Variants in SRSF11 observed in about 807,000 individuals in gnomAD.
The protein encoded by SRSF11 is serine and arginine rich splicing factor 11.
Under a neutral mutation model 56.0 loss-of-function variants are expected in SRSF11, and 9 were observed. The observed-to-expected ratio is 0.16, with a 90% CI of 0.10 to 0.28. The LOEUF is 0.28. Among genes scored for constraint, SRSF11 ranks in the 10% least tolerant of loss-of-function variants. The probability of loss-of-function intolerance (pLI) is 1.00; values close to 1 mark genes in which losing one functional copy is unlikely to be tolerated. For synonymous variants in SRSF11, 222 were observed against 215.3 expected, an observed-to-expected ratio of 1.03 and a Z score of -0.27; for missense variants, 421 against 600.7, an observed-to-expected ratio of 0.70 and a Z score of 3.13.
upstream of SRSF11, chr1:70,220,870 G>C (rs150585134): frequency 6.6e-6 from 1 of 152,230 alleles, no homozygotes; most frequent in East Asian, 1.9e-4. Flanking sequence ...CATCCATTGT[G>C]AATGAATGTA....
Position 70,244,696 on chromosome 1 carries a change from C to T in SRSF11, c.813C>T (p.Ser271=). 6.2e-7 allele frequency: 1 copy of T among 1,613,914 alleles called. No individual in the cohort carries two copies. The highest frequency in any genetic ancestry group is 8.5e-7 in the Non-Finnish European group (1 of 1,179,852). The change falls in exon 8 of 12, where the codon AGC becomes AGT. Residue 271 remains serine, a synonymous_variant. Transcript: ENST00000370949. ...TTTACACTATTAGGCGGTCAAGAAG[C>T]AGATCGAGACGGCGGTCACATTCTA... ...PSSSRHRRSR[S]RSRRRSHSKS...
At chr1:70,225,027 G>A (rs1671468063) in intron 1 of SRSF11, among the ~76,000 whole-genome samples, 1 of 152,204 alleles carries the variant, frequency 6.6e-6, no homozygotes, top group South Asian at 2.1e-4. Flanking sequence ...GCCAATGTCA[G>A]AACTAGAACT....
upstream of SRSF11, among the ~76,000 whole-genome samples, chr1:70,216,513 G>C (rs1401378574): frequency 2.0e-5 from 3 of 151,138 alleles, no homozygotes; most frequent in Non-Finnish European, 4.4e-5. Flanking sequence ...GCTCACTGCA[G>C]CTTTGACCTC....
At chr1:70,210,225 G>A (rs1669440564) in intron 1 of SRSF11, among the ~76,000 whole-genome samples, 1 of 151,674 alleles carries the variant, frequency 6.6e-6, no homozygotes, top group Non-Finnish European at 1.5e-5. Context: ...GCTCACTGCA[G>A]CCTCAAACTC....
intron 1 of SRSF11, among the ~76,000 whole-genome samples, chr1:70,226,837 CT>C (rs1671890156): frequency 6.6e-6 from 1 of 152,162 alleles, no homozygotes; most frequent in African/African-American, 2.4e-5. Flanking sequence ...CCTCCCATTT[CT>C]TTAAGGAGAA....
chr1:70,243,379 T>C (rs976254486), intron 7 of SRSF11, among the ~76,000 whole-genome samples: 1 of 124,146 alleles, frequency 8.1e-6, no homozygotes, highest in Non-Finnish European at 1.6e-5. Flanking sequence ...AAAAACACAG[T>C]GTGTAGGTGG....
intron 6 of SRSF11, among the ~76,000 whole-genome samples, chr1:70,238,998 A>G (rs527852078): frequency 6.6e-6 from 1 of 152,234 alleles, no homozygotes; most frequent in South Asian, 2.1e-4. Flanking sequence ...TACTTGTGAC[A>G]TTCAAGGGTT....
chr1:70,236,149 T>C (rs1176108466), intron 5 of SRSF11, among the ~76,000 whole-genome samples: 1 of 152,088 alleles, frequency 6.6e-6, no homozygotes, highest in Non-Finnish European at 1.5e-5. Context: ...TAGTGGACTT[T>C]TTTCTTAGAA....
rs1458122290 is a variant in SRSF11 at position 70,252,149 on chromosome 1, G to A, written c.*1344G>A. On this transcript the variant is annotated 3_prime_UTR_variant, in exon 12 of 12. Transcript: ENST00000370949. ...GAAGTCTATCACTGTAGTGATAATT[G>A]CCATCAAAATTGTCAAAAATGATTT... The A allele has an allele frequency of 6.6e-6, 1 of 152,332 alleles. No homozygotes were observed. The highest frequency in any genetic ancestry group is 2.4e-5 in the African/African-American group (1 of 41,388). 9.4% of individuals were successfully genotyped at this position (152,332 alleles called of 1,614,324 possible). A position where few individuals can be genotyped will look rare whatever the true frequency, so the allele number is the denominator to read the frequency against.
intron 1 of SRSF11, among the ~76,000 whole-genome samples, chr1:70,226,494 T>G (rs959902381): frequency 5.3e-5 from 8 of 152,200 alleles, no homozygotes; most frequent in African/African-American, 1.9e-4. Flanking sequence ...GGCAGTACTT[T>G]TTTTCCTAAA....
chr1:70,217,815 CA>C (rs1670151270), upstream of SRSF11, among the ~76,000 whole-genome samples: 2 of 152,150 alleles, frequency 1.3e-5, no homozygotes, highest in African/African-American at 4.8e-5. Flanking sequence ...CTATGTAAAA[CA>C]GACATTAACA....
At chr1:70,231,032 G>A in intron 2 of SRSF11, 1 of 1,288,610 alleles carries the variant, frequency 7.8e-7, no homozygotes, top group Non-Finnish European at 1.0e-6. Context: ...TCTCAGTATA[G>A]GTGGAAGGAA....
Position 70,251,953 on chromosome 1 carries a change from G to C in SRSF11, c.*1148G>C, listed in dbSNP as rs1203107726. 2.0e-5 allele frequency: 3 copies of C among 152,576 alleles called. No homozygotes were observed. The highest frequency in any genetic ancestry group is 4.4e-5 in the Non-Finnish European group (3 of 68,012). 9.5% of individuals were successfully genotyped at this position (152,576 alleles called of 1,614,324 possible). On this transcript the variant is annotated 3_prime_UTR_variant, in exon 12 of 12. Coordinates refer to ENST00000370949, the MANE Select transcript of SRSF11 (RefSeq NM_001350605.2). ...ACAGTCTGTGCCATGTTGATGTACA[G>C]TTTCTGAAATTGTTTTACAAGACTT...
intron 2 of SRSF11, chr1:70,231,086 G>C: frequency 2.3e-6 from 3 of 1,289,454 alleles, no homozygotes; most frequent in Non-Finnish European, 3.0e-6. Flanking sequence ...TTGTTGTTGT[G>C]TTTTACAGTT....
chr1:70,222,280 A>G (rs890960465), intron 1 of SRSF11, among the ~76,000 whole-genome samples: 8 of 152,182 alleles, frequency 5.3e-5, no homozygotes, highest in African/African-American at 1.9e-4. Context: ...ACTTATTGTT[A>G]TTGCTGTTAT....
chr1:70,249,850 A>G, intron 9 of SRSF11, 102 bp from the exon 10 acceptor site: 2 of 1,264,092 alleles, frequency 1.6e-6, no homozygotes, highest in South Asian at 1.3e-5. Flanking sequence ...ATGAGCCACT[A>G]CATCTGGCCA....
intron 9 of SRSF11, chr1:70,248,737 CTAAAT>C (rs1399099183): frequency 6.6e-6 from 1 of 151,876 alleles, no homozygotes. Flanking sequence ...TTGGATCACT[CTAAAT>C]TAAGGCATCT....
At position 70,244,707 on chromosome 1, in the gene SRSF11, G is replaced by A. The variant is rs756459790; in HGVS notation, c.824G>A (p.Arg275Gln). ...AGGCGGTCAAGAAGCAGATCGAGAC[G>A]GCGGTCACATTCTAAGTCTAGGAGT... ...RHRRSRSRSR[R>Q]RSHSKSRSRR... The change falls in exon 8 of 12, where the codon CGG becomes CAG. Residue 275 changes from arginine to glutamine, a missense_variant. Coordinates refer to ENST00000370949, the MANE Select transcript of SRSF11 (RefSeq NM_001350605.2). 9 of 1,613,878 alleles carry A rather than the reference G, an allele frequency of 5.6e-6. No individual in the cohort carries two copies. Among genetic ancestry groups the A allele is most frequent in the African/African-American group, 1.3e-5 (1 of 74,888 alleles).
intron 3 of SRSF11, among the ~76,000 whole-genome samples, chr1:70,234,409 G>T (rs1220418686): frequency 6.6e-6 from 1 of 152,130 alleles, no homozygotes; most frequent in Non-Finnish European, 1.5e-5. Context: ...ATTTAGGGGG[G>T]AAATGTGTTG....
Sources: gnomAD v4.1 joint callset for allele counts (sites outside exome capture counted in the v4.1 genomes callset) on GRCh38, gnomAD v4.1.1 for gene constraint, MANE v1.5 for transcripts, NCBI Gene and HGNC (gene_info 2026-07-23, HGNC 2026-07-21) for gene names.